Variants in BICRAL observed in about 807,000 individuals in gnomAD.
BICRAL encodes the protein BRD4-interacting chromatin-remodeling complex-associated protein-like.
In BICRAL, 8 loss-of-function variants were observed where a neutral mutation model predicts 91.8. The ratio of observed to expected loss-of-function variants is 0.09; its 90% CI spans 0.05 to 0.16. BICRAL has a LOEUF of 0.16. Among genes scored for constraint, BICRAL ranks in the 10% least tolerant of loss-of-function variants. The pLI is 1.00. For missense variants in BICRAL, 1,038 were observed against 1,310.9 expected (o/e 0.79, Z 3.21); for synonymous variants, 445 against 491.1 (o/e 0.91, Z 1.24).
chr6:42,857,927 G>C (rs1302523631), intron 10 of BICRAL, among the ~76,000 whole-genome samples: 1 of 144,276 alleles, frequency 6.9e-6, no homozygotes, highest in Non-Finnish European at 1.5e-5. Context: ...CCCTGCCTCA[G>C]CCTCCCCAGT....
At chr6:42,765,628 T>TA (rs1229158813) in intron 1 of BICRAL, among the ~76,000 whole-genome samples, 1 of 152,198 alleles carries the variant, frequency 6.6e-6, no homozygotes, top group Non-Finnish European at 1.5e-5. Flanking sequence ...GAGTGAAATG[T>TA]GTGTTGCAAA....
chr6:42,827,077 G>A (rs915792551), intron 5 of BICRAL, among the ~76,000 whole-genome samples: 3 of 152,152 alleles, frequency 2.0e-5, no homozygotes, highest in South Asian at 2.1e-4. Context: ...GTGAGCCACC[G>A]CGCCTGGCCA....
chr6:42,771,937 AC>A (rs1438180337), intron 1 of BICRAL, among the ~76,000 whole-genome samples: 1 of 152,236 alleles, frequency 6.6e-6, no homozygotes. Flanking sequence ...TGGAACTGTC[AC>A]AAGATATGCT....
At chr6:42,825,722 C>CA (rs58275278) in intron 5 of BICRAL, among the ~76,000 whole-genome samples, 54,062 of 149,878 alleles carry the variant, frequency 0.36, 9,944 homozygotes, top group South Asian at 0.48. Flanking sequence ...GACCCTATCT[C>CA]AAAAAAAAGA....
intron 6 of BICRAL, among the ~76,000 whole-genome samples, chr6:42,842,201 G>A (rs1020022119): frequency 2.0e-5 from 3 of 152,106 alleles, no homozygotes; most frequent in Non-Finnish European, 4.4e-5. Context: ...AGGGCTTTAG[G>A]CATCAGCATT....
chr6:42,824,999 G>A (rs907440312), intron 5 of BICRAL, among the ~76,000 whole-genome samples: 2 of 152,240 alleles, frequency 1.3e-5, no homozygotes, highest in South Asian at 4.1e-4. Context: ...AGTGGCTTAC[G>A]CCTCTAATCC....
chr6:42,784,311 G>A (rs1364928453), intron 1 of BICRAL, among the ~76,000 whole-genome samples: 1 of 151,944 alleles, frequency 6.6e-6, no homozygotes, highest in African/African-American at 2.4e-5. Context: ...ATGGGGGAGG[G>A]GTTTAACTTT....
At chr6:42,824,954 C>CA (rs1408939171) in intron 5 of BICRAL, among the ~76,000 whole-genome samples, 3 of 152,056 alleles carry the variant, frequency 2.0e-5, no homozygotes, top group African/African-American at 7.2e-5. Context: ...CCCATCTCTA[C>CA]AAAAAATTTA....
At chr6:42,844,503 C>T in intron 6 of BICRAL, among the ~76,000 whole-genome samples, 2 of 66,892 alleles carry the variant, frequency 3.0e-5, no homozygotes, top group Non-Finnish European at 2.7e-5. Flanking sequence ...AGCAAGACTC[C>T]ATCTCAAAAA....
chr6:42,821,448 AG>A (rs2113939157), intron 2 of BICRAL, among the ~76,000 whole-genome samples: 1 of 152,262 alleles, frequency 6.6e-6, no homozygotes, highest in Non-Finnish European at 1.5e-5. Context: ...CTGCTGCAAA[AG>A]GAGAATGTGG....
At chr6:42,759,425 T>C (rs1762510631) in intron 1 of BICRAL, among the ~76,000 whole-genome samples, 3 of 152,200 alleles carry the variant, frequency 2.0e-5, no homozygotes, top group African/African-American at 4.8e-5. Flanking sequence ...TTGGAGGCCA[T>C]TGCAGGAGCC....
rs749246777 is a variant in BICRAL at position 42,864,780 on chromosome 6, G to A, written c.2574G>A (p.Lys858=). The A allele has an allele frequency of 1.9e-6, 3 of 1,614,076 alleles. No homozygotes were observed. In the African/African-American group the frequency reaches 4.0e-5, roughly 22 times the overall value. Residue 858 remains lysine, a synonymous_variant, in exon 13 of 13, where the codon AAG becomes AAA. Coordinates refer to ENST00000314073, the MANE Select transcript of BICRAL (RefSeq NM_001393499.1). ...GCAGCTCTCTGCAACCGCCAGCCAA[G>A]GCCCAAGGCAGAGACCGAGCCAAAA... The part of the protein sequence containing the change: ...KASSSLQPPA[K]AQGRDRAKTG...
intron 6 of BICRAL, among the ~76,000 whole-genome samples, chr6:42,850,460 C>T (rs981082410): frequency 2.0e-5 from 3 of 151,478 alleles, no homozygotes; most frequent in Non-Finnish European, 4.4e-5. Context: ...GTGGAGGTTG[C>T]AGTGAGCTAA....
At chr6:42,812,515 A>G (rs1763868937) in intron 2 of BICRAL, among the ~76,000 whole-genome samples, 1 of 152,180 alleles carries the variant, frequency 6.6e-6, no homozygotes, top group Non-Finnish European at 1.5e-5. Context: ...ATGGAATCTC[A>G]TCTTGGGCCA....
intron 2 of BICRAL, among the ~76,000 whole-genome samples, chr6:42,812,999 CACTGCT>C (rs1763884019): frequency 6.6e-6 from 1 of 151,506 alleles, no homozygotes. Flanking sequence ...CCTGCCACTG[CACTGCT>C]GCTTGGGCAG....
At position 42,865,017 on chromosome 6, in the gene BICRAL, T is replaced by G. The variant is rs1349586239; in HGVS notation, c.2811T>G (p.Pro937=). 1 of 1,613,954 alleles carries G rather than the reference T, an allele frequency of 6.2e-7. No individual in the cohort carries two copies. The highest frequency in any genetic ancestry group is 8.5e-7 in the Non-Finnish European group (1 of 1,180,054). Reference sequence around the variant, plus strand: ...AGGCCAGTCAGTGCTCTCCCGGCCCTGAGGGGCACCGGAAAACCTCATCCA... The same window carrying G: ...AGGCCAGTCAGTGCTCTCCCGGCCCGGAGGGGCACCGGAAAACCTCATCCA... ...PLKASQCSPG[P]EGHRKTSSRS... The change falls in exon 13 of 13, where the codon CCT becomes CCG. Residue 937 remains proline, a synonymous_variant. Transcript: ENST00000314073.
intron 2 of BICRAL, among the ~76,000 whole-genome samples, chr6:42,810,902 G>A (rs1763826784): frequency 6.6e-6 from 1 of 152,276 alleles, no homozygotes; most frequent in East Asian, 1.9e-4. Context: ...AGGAGGCACA[G>A]GAGAAAACTG....
intron 1 of BICRAL, among the ~76,000 whole-genome samples, chr6:42,755,748 C>G (rs191841748): frequency 6.6e-6 from 1 of 151,286 alleles, no homozygotes; most frequent in Non-Finnish European, 1.5e-5. Flanking sequence ...CAGCTCACTG[C>G]AACCTCCGCC....
chr6:42,781,851 G>A (rs928241262), upstream of BICRAL: 2 of 148,750 alleles, frequency 1.3e-5, no homozygotes, highest in Non-Finnish European at 3.0e-5. Context: ...GAGAACCGAA[G>A]TTTGGAGGTA....
Sources: allele counts gnomAD v4.1 joint callset (sites outside exome capture counted in the v4.1 genomes callset), GRCh38; gene constraint gnomAD v4.1.1; transcripts MANE v1.5; gene names NCBI Gene and HGNC (gene_info 2026-07-23, HGNC 2026-07-21).